FER1L5: variants seen among roughly 807,000 people sequenced by gnomAD.
The protein encoded by FER1L5 is fer-1 like family member 5, also known as fer-1-like protein 5.
A neutral mutation model predicts 279.9 loss-of-function variants in FER1L5; 187 were observed. The observed-to-expected ratio is 0.67, with a 90% CI of 0.59 to 0.75. The LOEUF (loss-of-function observed/expected upper bound fraction) is 0.75. Among genes scored for constraint, FER1L5 ranks in the 30% least tolerant of loss-of-function variants. The probability of loss-of-function intolerance (pLI) is 0.00; values close to 1 mark genes in which losing one functional copy is unlikely to be tolerated. For missense variants in FER1L5, 2,091 were observed against 2,594.4 expected (o/e 0.81, Z 4.21); for synonymous variants, 921 against 989.7 (o/e 0.93, Z 1.30).
chr2:96,702,217 C>G lies in FER1L5; in HGVS notation c.5160-89C>G. ...ATTCCCCACACTGAGCAAAAACACACAGGGCAGCCTCCCAGGCTTCTCTGC... is the reference window on the plus strand; with the variant it reads ...ATTCCCCACACTGAGCAAAAACACAGAGGGCAGCCTCCCAGGCTTCTCTGC... On this transcript the variant is annotated intron_variant, in intron 46 of 52. Coordinates refer to ENST00000624922, the MANE Select transcript of FER1L5 (RefSeq NM_001293083.2). This position sits in a 1 kb window ranked among gnomAD's most constrained non-coding sequence, Gnocchi z 4.0. 4 of 1,567,570 alleles carry G rather than the reference C, an allele frequency of 2.6e-6. No individual in the cohort carries two copies. Among genetic ancestry groups the G allele is most frequent in the Non-Finnish European group, 3.5e-6 (4 of 1,156,600 alleles).
At chr2:96,654,626 G>A (rs2075520753) in intron 9 of FER1L5, 130 bp downstream of exon 9, 1 of 384,790 alleles carries the variant, frequency 2.6e-6, no homozygotes, top group Admixed American at 4.5e-5. Flanking sequence ...TTGGCCGGGT[G>A]CAGTGGCTCG....
Position 96,692,186 on chromosome 2 carries a change from G to T in FER1L5, c.3292+5G>T. The T allele has an allele frequency of 6.4e-7, 1 of 1,551,660 alleles. No individual in the cohort carries two copies. Among genetic ancestry groups the T allele is most frequent in the East Asian group, 2.4e-5 (1 of 40,920 alleles). On this transcript the variant is annotated splice_donor_5th_base_variant and intron_variant, in intron 31 of 52. Transcript: ENST00000624922. The stretch of plus-strand genomic sequence containing the variant: ...ATCAGATCCTGACATTCCAAGGTAG[G>T]TGGCAGGCAGCCTTGTCCCCAGCTG...
rs892062225 is a variant in FER1L5 at position 96,646,524 on chromosome 2, G to A, written c.138+71G>A. On this transcript the variant is annotated intron_variant, in intron 2 of 52. Coordinates refer to ENST00000624922, the MANE Select transcript of FER1L5 (RefSeq NM_001293083.2). ...GCAAGGGGGCAAGGGTGGGGTCCAG[G>A]AAGGTGCTCAGAGGTCTAGGGAGAG... is the stretch of plus-strand genomic sequence containing the variant. 4.0e-6 allele frequency: 6 copies of A among 1,491,644 alleles called. 1 individual carries two copies. The East Asian group carries it at 1.5e-4, about 37-fold the overall frequency. The allele number at this position is 1,491,644 out of a possible 1,614,324, so 92.4% of individuals were successfully genotyped here.
Position 96,702,935 on chromosome 2 carries a change from C to A in FER1L5, c.5398-43C>A, listed in dbSNP as rs1191315133. On this transcript the variant is annotated intron_variant, in intron 48 of 52. Coordinates refer to ENST00000624922, the MANE Select transcript of FER1L5 (RefSeq NM_001293083.2). The surrounding 1 kb of genome is among the most constrained non-coding windows in gnomAD (Gnocchi z 4.0). ...CCACTGAGGGGTGCAAGGGAAACGT[C>A]CAGGAGACAGGCCGGTAACACGCCC... 6.3e-7 allele frequency: 1 copy of A among 1,579,974 alleles called. No individual in the cohort carries two copies. The highest frequency in any genetic ancestry group is 1.8e-5 in the Admixed American group (1 of 55,428).
chr2:96,679,547 C>G (rs1173509884), intron 19 of FER1L5, among the ~76,000 whole-genome samples: 4 of 152,274 alleles, frequency 2.6e-5, no homozygotes, highest in Admixed American at 2.0e-4. Context: ...ACAGTTTTAC[C>G]TCTTACACTT....
At chr2:96,659,409 CTTTCTTTCTTTCTTTCTTTCTTTCTTTCT>C (rs2075813103) in intron 9 of FER1L5, among the ~76,000 whole-genome samples, 1 of 5,428 alleles carries the variant, frequency 1.8e-4, no homozygotes, top group African/African-American at 1.5e-3. Context: ...TTCTTTCTTT[CTTTCTTTCTTTCTTTCTTTCTTTCTTTCT>C]TTCTTTCTTT....
intron 8 of FER1L5, chr2:96,653,911 C>A: frequency 1.8e-6 from 1 of 555,970 alleles, no homozygotes; most frequent in Non-Finnish European, 3.2e-6. Context: ...AACTGCCAGG[C>A]CCTGAACTGG....
In FER1L5 at chr2:96,689,212, G is replaced by A. The variant is rs202089899; in HGVS notation, c.2362-1G>A. 185 of 1,550,044 alleles carry A rather than the reference G, an allele frequency of 1.2e-4. 1 individual carries two copies. Among genetic ancestry groups the A allele is most frequent in the Non-Finnish European group, 4.4e-5 (50 of 1,146,484 alleles). On this transcript the variant is annotated splice_acceptor_variant, in intron 24 of 52. Transcript: ENST00000624922. LOFTEE classifies it high-confidence loss of function. This position sits in a 1 kb window ranked among gnomAD's most constrained non-coding sequence, Gnocchi z 4.6. ...CGCCCTGACAAGCTTCCCTCCCCTA[G>A]TATGAGAATCAGGCCAAGTATAAAG...
intron 34 of FER1L5, 193 bp from the exon 35 acceptor site, chr2:96,695,316 A>G: frequency 1.4e-6 from 1 of 714,566 alleles, no homozygotes; most frequent in Non-Finnish European, 2.2e-6. Flanking sequence ...CCCGAGGGCA[A>G]GCACTGATCC....
chr2:96,653,891 G>A (rs2075486801), intron 8 of FER1L5, 189 bp downstream of exon 8: 1 of 576,730 alleles, frequency 1.7e-6, no homozygotes, highest in Non-Finnish European at 3.0e-6. Context: ...AACAAATGTT[G>A]TGGATTGCCA....
At chr2:96,690,808 C>A (rs1487241788) in intron 27 of FER1L5, among the ~76,000 whole-genome samples, 1 of 152,218 alleles carries the variant, frequency 6.6e-6, no homozygotes, top group Non-Finnish European at 1.5e-5. Context: ...TGGCCCAGAG[C>A]AAGGCGTGGC....
chr2:96,649,545 C>A, intron 4 of FER1L5, 78 bp from the exon 5 acceptor site: 1 of 1,431,170 alleles, frequency 7.0e-7, no homozygotes, highest in Non-Finnish European at 9.6e-7. Flanking sequence ...GTGAACCCAA[C>A]CAGGCTGTGC....
intron 19 of FER1L5, among the ~76,000 whole-genome samples, chr2:96,675,342 C>T (rs770629664): frequency 2.0e-4 from 30 of 152,182 alleles, no homozygotes; most frequent in Non-Finnish European, 3.2e-4. Flanking sequence ...CCAAATTACA[C>T]TCTCCTCAGC....
intron 45 of FER1L5, among the ~76,000 whole-genome samples, chr2:96,701,386 G>C (rs186250377): frequency 6.6e-6 from 1 of 152,336 alleles, no homozygotes; most frequent in Non-Finnish European, 1.5e-5. Flanking sequence ...AATGAGGTCA[G>C]GTGGTCTGAA....
intron 1 of FER1L5, among the ~76,000 whole-genome samples, chr2:96,645,098 A>G (rs2075059809): frequency 6.6e-6 from 1 of 151,666 alleles, no homozygotes; most frequent in Non-Finnish European, 1.5e-5. Context: ...ACCCCTTCCC[A>G]CTGCTTGGAG....
In FER1L5 at chr2:96,692,129, C is replaced by A. The variant is rs1379604052; in HGVS notation, c.3240C>A (p.Cys1080Ter). ...FNKPHYYQLFCYIYQARNLVS... is the reference protein window; with the variant it reads ...FNKPHYYQLF Reference sequence around the variant, plus strand: ...AGCCCCACTACTACCAGCTCTTCTGCTACATCTACCAGGCCCGGAACCTGG... The same window carrying A: ...AGCCCCACTACTACCAGCTCTTCTGATACATCTACCAGGCCCGGAACCTGG... Residue 1080 changes from cysteine to a stop codon, truncating the protein, a stop_gained, in exon 31 of 53, where the codon TGC (cysteine) becomes TGA (stop). Coordinates refer to ENST00000624922, the MANE Select transcript of FER1L5 (RefSeq NM_001293083.2). LOFTEE classifies it high-confidence loss of function. 1 of 1,551,648 alleles carries A rather than the reference C, an allele frequency of 6.4e-7. No homozygotes were observed. The highest frequency in any genetic ancestry group is 1.2e-5 in the South Asian group (1 of 84,054).
intron 9 of FER1L5, chr2:96,654,807 G>A (rs949108797): frequency 6.1e-6 from 1 of 163,094 alleles, no homozygotes; most frequent in Non-Finnish European, 1.3e-5. Flanking sequence ...GCTGAGGCAG[G>A]AGAATTGCTT....
intron 21 of FER1L5, 47 bp downstream of exon 21, chr2:96,685,476 A>T: frequency 6.7e-7 from 1 of 1,502,646 alleles, no homozygotes; most frequent in African/African-American, 1.4e-5. Flanking sequence ...GAGCTGAGCC[A>T]GATCTGGGCC....
At chr2:96,701,906 G>A (rs757680874) in intron 45 of FER1L5, 49 bp from the exon 46 acceptor site, 4 of 1,581,034 alleles carry the variant, frequency 2.5e-6, no homozygotes, top group Admixed American at 3.4e-5. Flanking sequence ...CCAGCCTGCT[G>A]AGAACAGAGG....
Sources: gnomAD v4.1 joint callset for allele counts (sites outside exome capture counted in the v4.1 genomes callset) on GRCh38, gnomAD v4.1.1 for gene constraint, Gnocchi (gnomAD v3.1) non-coding constraint, MANE v1.5 for transcripts, NCBI Gene and HGNC (gene_info 2026-07-23, HGNC 2026-07-21) for gene names.